The following RTTN variants were observed in gnomAD, a reference collection of about 807,000 sequenced individuals.
RTTN encodes the protein rotatin.
A neutral mutation model predicts 269.2 loss-of-function variants in RTTN; 182 were observed. That is an observed-to-expected ratio of 0.68 (90% confidence interval 0.60 to 0.76). The LOEUF (loss-of-function observed/expected upper bound fraction) is 0.76, where lower values mean the gene tolerates loss of function less well. RTTN is among the 30% of genes least tolerant of loss of function. RTTN has a pLI of 0.00. For synonymous variants in RTTN, 1,006 were observed against 963.5 expected, an observed-to-expected ratio of 1.04 and a Z score of -0.82; for missense variants, 2,545 against 2,608.6, an observed-to-expected ratio of 0.98 and a Z score of 0.53.
At chr18:70,036,048 A>T (rs1416162643) in intron 40 of RTTN, among the ~76,000 whole-genome samples, 2 of 152,212 alleles carry the variant, frequency 1.3e-5, no homozygotes, top group Admixed American at 6.5e-5. Flanking sequence ...GTCAAAAAAT[A>T]ACACACGCTG....
chr18:70,104,383 A>G (rs2059263473), intron 28 of RTTN, among the ~76,000 whole-genome samples: 1 of 152,124 alleles, frequency 6.6e-6, no homozygotes, highest in Non-Finnish European at 1.5e-5. Context: ...CTAGTTAGCC[A>G]TTCGTCTAAT....
rs759007307 is a variant in RTTN at position 70,196,548 on chromosome 18, T to C, written c.794A>G (p.Asn265Ser). ...TGGATCTCGGTGAAAGTTAAGTCTG[T>C]TTCTTAAATACATGCACAGCTGCTG... ...CLQQLCMYLR[N>S]RLNFHRDPGF... The change falls in exon 7 of 49, where the codon AAC becomes AGC. Residue 265 changes from asparagine (N) to serine (S), a missense_variant. By Grantham distance (46) the Asn-to-Ser change is conservative (BLOSUM62 1). Coordinates refer to ENST00000640769, the MANE Select transcript of RTTN (RefSeq NM_173630.4). 1.2e-6 allele frequency: 2 copies of C among 1,613,432 alleles called. No homozygotes were observed. Among genetic ancestry groups the C allele is most frequent in the South Asian group, 1.1e-5 (1 of 90,898 alleles).
At position 70,139,717 on chromosome 18, in the gene RTTN, C is replaced by T; in HGVS notation, c.2671-1G>A. 6.3e-7 allele frequency: 1 copy of T among 1,587,106 alleles called. No homozygotes were observed. The highest frequency in any genetic ancestry group is 1.1e-5 in the South Asian group (1 of 90,058). ...ATGGTTGTACCAAACATTCTACAAC[C>T]TGGGCCAGGAGGAAAAACACAGCTT... On this transcript the variant is annotated splice_acceptor_variant, in intron 20 of 48. Transcript: ENST00000640769. LOFTEE classifies it high-confidence loss of function.
rs1435951774 is a variant in RTTN at position 70,204,103 on chromosome 18, T to C, written c.380A>G (p.Tyr127Cys). The C allele has an allele frequency of 8.1e-6, 13 of 1,611,460 alleles. No individual in the cohort carries two copies. The highest frequency in any genetic ancestry group is 2.2e-5 in the East Asian group (1 of 44,872). ...SEVPALSSAS[Y>C]QTNQTELSKN... ...AGAGTTACCAGTTTGATTGGTTTGG[T>C]ATGAGGCAGAAGATAGTGCAGGAAC... Residue 127 changes from tyrosine to cysteine, a missense_variant, in exon 3 of 49, where the codon TAC (tyrosine) becomes TGC (cysteine). Coordinates refer to ENST00000640769, the MANE Select transcript of RTTN (RefSeq NM_173630.4).
intron 5 of RTTN, among the ~76,000 whole-genome samples, chr18:70,198,435 A>G (rs2061865466): frequency 6.6e-6 from 1 of 152,152 alleles, no homozygotes; most frequent in African/African-American, 2.4e-5. Context: ...TGCCTCTCGA[A>G]TATGTTGTTC....
At chr18:70,079,519 T>C (rs904368328) in intron 32 of RTTN, among the ~76,000 whole-genome samples, 1 of 151,998 alleles carries the variant, frequency 6.6e-6, no homozygotes, top group African/African-American at 2.4e-5. Context: ...CTCTGCTCCA[T>C]ACATCCATCA....
chr18:70,127,462 T>C, intron 25 of RTTN, 40 bp downstream of exon 25: 2 of 1,604,120 alleles, frequency 1.2e-6, no homozygotes, highest in Non-Finnish European at 1.7e-6. Flanking sequence ...TACAATGCAA[T>C]CCAGGTCTTT....
At position 70,057,798 on chromosome 18, in the gene RTTN, G is replaced by C. The variant is rs771001575; in HGVS notation, c.4975C>G (p.Gln1659Glu). 1 of 1,613,738 alleles carries C rather than the reference G, an allele frequency of 6.2e-7. No homozygotes were observed. Residue 1659 changes from glutamine to glutamate, a missense_variant, in exon 37 of 49, where the codon CAG becomes GAG. Gln to Glu is a conservative substitution (Grantham distance 29). Coordinates refer to ENST00000640769, the MANE Select transcript of RTTN (RefSeq NM_173630.4). ...GAAGGCAGCAGGGCTCTGAGTTCCT[G>C]GACACATGTCTGTATGAGGGTAGCA... ...ADATLIQTCV[Q>E]ELRALLPSSP...
intron 17 of RTTN, among the ~76,000 whole-genome samples, chr18:70,147,614 T>TGG (rs2060428440): frequency 6.6e-6 from 1 of 152,102 alleles, no homozygotes; most frequent in African/African-American, 2.4e-5. Context: ...CCTGTCTACA[T>TGG]GGAGTTTATG....
intron 33 of RTTN, 94 bp from the exon 34 acceptor site, chr18:70,074,088 C>G: frequency 1.3e-6 from 1 of 780,894 alleles, no homozygotes; most frequent in Non-Finnish European, 2.1e-6. Context: ...CAATTCAAAA[C>G]TAAAGAAAGG....
At chr18:70,093,579 G>C (rs538080018) in intron 28 of RTTN, among the ~76,000 whole-genome samples, 1 of 152,228 alleles carries the variant, frequency 6.6e-6, no homozygotes, top group African/African-American at 2.4e-5. Flanking sequence ...TTTCTCACTG[G>C]TTCTGTTTAT....
At chr18:70,103,326 T>C (rs550465752) in intron 28 of RTTN, among the ~76,000 whole-genome samples, 1 of 150,084 alleles carries the variant, frequency 6.7e-6, no homozygotes, top group Non-Finnish European at 1.5e-5. Flanking sequence ...AAGGGGGAAA[T>C]GTGGGGAAAA....
chr18:70,204,753 T>C (rs1219019386), intron 2 of RTTN, among the ~76,000 whole-genome samples: 1 of 152,244 alleles, frequency 6.6e-6, no homozygotes, highest in Non-Finnish European at 1.5e-5. Context: ...AACATTGGTA[T>C]TTATGAATCA....
chr18:70,050,607 T>C (rs1013826884), intron 39 of RTTN, among the ~76,000 whole-genome samples: 2 of 152,200 alleles, frequency 1.3e-5, no homozygotes, highest in Admixed American at 6.5e-5. Flanking sequence ...CATCCTACTG[T>C]AAAGACAAAT....
At position 70,075,413 on chromosome 18, in the gene RTTN, C is replaced by T; in HGVS notation, c.4503G>A (p.Arg1501=). 2 of 1,603,138 alleles carry T rather than the reference C, an allele frequency of 1.2e-6. No individual in the cohort carries two copies. Among genetic ancestry groups the T allele is most frequent in the Non-Finnish European group, 1.7e-6 (2 of 1,175,744 alleles). The part of the protein sequence containing the change: ...NQMVKHCYLG[R]CMFDLNFSAF... Reference sequence around the variant, plus strand: ...CAGAAAAATTCAAATCAAACATACACCGTCCTAGGTAACAATGCTTTACCA... The same window carrying T: ...CAGAAAAATTCAAATCAAACATACATCGTCCTAGGTAACAATGCTTTACCA... The change falls in exon 33 of 49, where the codon CGG becomes CGA. Residue 1501 remains arginine (R), a synonymous_variant. Transcript: ENST00000640769.
chr18:70,159,048 CAA>C (rs1248216683), intron 14 of RTTN, among the ~76,000 whole-genome samples: 1 of 152,142 alleles, frequency 6.6e-6, no homozygotes, highest in Non-Finnish European at 1.5e-5. Context: ...AGAAAACTAA[CAA>C]AAATAGTTGG....
intron 43 of RTTN, among the ~76,000 whole-genome samples, chr18:70,026,197 G>A (rs975204204): frequency 1.3e-5 from 2 of 152,078 alleles, no homozygotes; most frequent in Admixed American, 6.6e-5. Flanking sequence ...GCTTAAGCAC[G>A]GTGGCATTTG....
chr18:70,032,161 C>A (rs1483952047), intron 40 of RTTN, among the ~76,000 whole-genome samples: 1 of 152,180 alleles, frequency 6.6e-6, no homozygotes, highest in Non-Finnish European at 1.5e-5. Flanking sequence ...AGACTTTATC[C>A]CTAGGGGAAC....
chr18:70,127,629 T>C lies in RTTN; in HGVS notation c.3256A>G (p.Arg1086Gly), dbSNP rs2059898981. 4 of 1,613,576 alleles carry C rather than the reference T, an allele frequency of 2.5e-6. No homozygotes were observed. The highest frequency in any genetic ancestry group is 3.4e-6 in the Non-Finnish European group (4 of 1,179,742). ...LHSIVQAATH[R>G]EVRAAVTRMS... ...CTGGTGACAGCAGCCCTAACTTCCC[T>C]GTGGGTTGCAGCCTGAACAATGGAA... Residue 1086 changes from arginine to glycine, a missense_variant, in exon 25 of 49, where the codon AGG becomes GGG. Transcript: ENST00000640769.
Sources: allele counts gnomAD v4.1 joint callset (sites outside exome capture counted in the v4.1 genomes callset), GRCh38; gene constraint gnomAD v4.1.1; transcripts MANE v1.5; gene names NCBI Gene and HGNC (gene_info 2026-07-23, HGNC 2026-07-21).